The following KLHL4 variants were observed in gnomAD, a reference collection of about 807,000 sequenced individuals.
The protein encoded by KLHL4 is kelch-like protein 4.
In KLHL4, 17 loss-of-function variants were observed where a neutral mutation model predicts 45.8. The ratio of observed to expected loss-of-function variants is 0.37; its 90% CI spans 0.25 to 0.56. KLHL4 has a LOEUF of 0.56. Ranked by LOEUF, KLHL4 falls within the 20% of genes least tolerant of loss-of-function variation. The probability of loss-of-function intolerance (pLI) is 0.79; values close to 1 mark genes in which losing one functional copy is unlikely to be tolerated. For missense variants in KLHL4, 544 were observed against 544.9 expected, an observed-to-expected ratio of 1.00 and a Z score of 0.02; for synonymous variants, 224 against 189.9, an observed-to-expected ratio of 1.18 and a Z score of -1.47.
At chrX:87,599,984 A>G (rs753310522) in intron 1 of KLHL4, among the ~76,000 whole-genome samples, 1 of 112,633 alleles carries the variant, frequency 8.9e-6, no homozygotes, top group South Asian at 3.7e-4. Context: ...CTATTTTTCA[A>G]ATACGTTTCA....
intron 1 of KLHL4, among the ~76,000 whole-genome samples, chrX:87,595,536 G>A (rs747876919): frequency 1.5e-3 from 173 of 111,681 alleles, no homozygotes; most frequent in African/African-American, 5.5e-3. Context: ...CTTATGTGAA[G>A]TGAATGAGCA....
At chrX:87,604,159 C>G (rs1204387995) in intron 1 of KLHL4, among the ~76,000 whole-genome samples, 1 of 110,060 alleles carries the variant, frequency 9.1e-6, no homozygotes, top group African/African-American at 3.3e-5. Context: ...GAGTTTATTC[C>G]ATATCTTGTC....
chrX:87,654,479 G>T (rs1189907862), intron 9 of KLHL4, among the ~76,000 whole-genome samples: 3 of 81,230 alleles, frequency 3.7e-5, no homozygotes. Flanking sequence ...GTATTCCATG[G>T]TGTATGTATA....
chrX:87,535,884 G>A (rs1234436526), intron 1 of KLHL4, among the ~76,000 whole-genome samples: 2 of 109,673 alleles, frequency 1.8e-5, no homozygotes, highest in Admixed American at 9.9e-5. Context: ...AGTGTATAGC[G>A]CCTCCCCGTC....
chrX:87,554,400 G>A (rs7052484), intron 1 of KLHL4, among the ~76,000 whole-genome samples: 4,412 of 77,680 alleles, frequency 0.057, 196 homozygotes, highest in East Asian at 0.16. Flanking sequence ...TCCTTGAGCA[G>A]TGGTTTGTAG....
intron 9 of KLHL4, among the ~76,000 whole-genome samples, chrX:87,640,729 C>A (rs969906798): frequency 3.1e-4 from 35 of 111,587 alleles, no homozygotes; most frequent in African/African-American, 1.1e-3. Flanking sequence ...CCACAGCCAA[C>A]ATAATACTGA....
Position 87,666,549 on chromosome X carries a change from A to G in KLHL4, c.*15A>G. 5.9e-6 allele frequency: 7 copies of G among 1,181,436 alleles called. No individual in the cohort carries two copies. The highest frequency in any genetic ancestry group is 8.0e-6 in the Non-Finnish European group (7 of 879,807). On this transcript the variant is annotated 3_prime_UTR_variant, in exon 11 of 11. Transcript: ENST00000373119. ...AGCTACCCTAAAGCTATCTATCTTT[A>G]TCAAATGGAATGAAACTAGATAATT...
At chrX:87,532,999 A>G (rs1246451777) in intron 1 of KLHL4, among the ~76,000 whole-genome samples, 2 of 106,604 alleles carry the variant, frequency 1.9e-5, no homozygotes, top group East Asian at 3.1e-4. Context: ...CAAAACCACA[A>G]TGAGATACCA....
chrX:87,593,222 G>T (rs1921733276), intron 1 of KLHL4, among the ~76,000 whole-genome samples: 1 of 110,915 alleles, frequency 9.0e-6, no homozygotes, highest in Non-Finnish European at 1.9e-5. Context: ...TCTTGTATGT[G>T]TAGATTCAGA....
intron 4 of KLHL4, among the ~76,000 whole-genome samples, chrX:87,619,171 TA>T (rs1027255136): frequency 9.0e-6 from 1 of 111,671 alleles, no homozygotes; most frequent in Non-Finnish European, 1.9e-5. Context: ...TATTTAATAT[TA>T]AAAAACAAAA....
At chrX:87,556,112 A>G (rs1489367481) in intron 1 of KLHL4, among the ~76,000 whole-genome samples, 1 of 110,712 alleles carries the variant, frequency 9.0e-6, no homozygotes, top group Non-Finnish European at 1.9e-5. Flanking sequence ...GATCTTTTAC[A>G]TTTGCTGAGG....
chrX:87,662,434 T>C (rs1256572412), intron 9 of KLHL4, among the ~76,000 whole-genome samples: 3 of 112,159 alleles, frequency 2.7e-5, no homozygotes, highest in Non-Finnish European at 3.8e-5. Context: ...AATTTCTCAA[T>C]AGATGCAAAA....
At chrX:87,590,400 T>C (rs1001508948) in intron 1 of KLHL4, among the ~76,000 whole-genome samples, 16 of 111,705 alleles carry the variant, frequency 1.4e-4, no homozygotes, top group African/African-American at 5.2e-4. Context: ...AGACTTAATA[T>C]TTTTTAATGT....
At chrX:87,529,656 AAC>A (rs1036326383) in intron 1 of KLHL4, among the ~76,000 whole-genome samples, 156 of 111,700 alleles carry the variant, frequency 1.4e-3, no homozygotes, top group African/African-American at 4.7e-3. Context: ...TTGTTTCCAG[AAC>A]AGTCATGATA....
At chrX:87,568,072 T>C (rs2187870) in intron 1 of KLHL4, among the ~76,000 whole-genome samples, 49,854 of 110,062 alleles carry the variant, frequency 0.45, 8,138 homozygotes, top group East Asian at 0.77. Flanking sequence ...TTAAATAAAT[T>C]ATACAAAAAA....
intron 9 of KLHL4, among the ~76,000 whole-genome samples, chrX:87,642,554 A>G (rs1260675879): frequency 1.8e-5 from 2 of 112,053 alleles, no homozygotes; most frequent in African/African-American, 6.5e-5. Flanking sequence ...GAAGAAATTC[A>G]TGATTTATCT....
At chrX:87,623,686 C>G (rs768689755) in intron 5 of KLHL4, among the ~76,000 whole-genome samples, 1 of 111,107 alleles carries the variant, frequency 9.0e-6, no homozygotes, top group East Asian at 2.8e-4. Flanking sequence ...AATGAAAGAA[C>G]GTTGATTACC....
chrX:87,600,702 G>A (rs1921991518), intron 1 of KLHL4, among the ~76,000 whole-genome samples: 2 of 110,850 alleles, frequency 1.8e-5, no homozygotes, highest in Admixed American at 9.6e-5. Context: ...ACTCAGCCTC[G>A]GGTATTTCTT....
chrX:87,612,840 A>T lies in KLHL4; in HGVS notation c.423-1037A>T, dbSNP rs533465677. Among the ~76,000 whole-genome samples the T allele has an allele frequency of 2.7e-5, 3 of 110,901 alleles. No individual in the cohort carries two copies. In the South Asian group the frequency reaches 1.2e-3, roughly 43 times the overall value. On this transcript the variant is annotated intron_variant, in intron 1 of 10. Coordinates refer to ENST00000373119, the MANE Select transcript of KLHL4 (RefSeq NM_019117.5). Reference sequence around the variant, plus strand: ...GAATCATTACTAGAAAAGAGAAAAGATTAGGATAATTTGAGTTAAGTGCAA... The same window carrying T: ...GAATCATTACTAGAAAAGAGAAAAGTTTAGGATAATTTGAGTTAAGTGCAA...
Sources: allele counts gnomAD v4.1 joint callset (sites outside exome capture counted in the v4.1 genomes callset), GRCh38; gene constraint gnomAD v4.1.1; transcripts MANE v1.5; gene names NCBI Gene and HGNC (gene_info 2026-07-23, HGNC 2026-07-21).